SCTR: variants seen among roughly 807,000 people sequenced by gnomAD.
SCTR encodes the protein secretin receptor, also known as pancreatic secretin receptor.
SCTR carries 56 observed loss-of-function variants against 60.8 expected under a neutral mutation model. The observed-to-expected ratio is 0.92, with a 90% confidence interval of 0.74 to 1.15. The LOEUF is 1.15. Ranked by LOEUF, SCTR falls within the 50% of genes most tolerant of loss-of-function variation. The pLI, the probability that SCTR is intolerant of heterozygous loss-of-function variation, is 0.00. For synonymous variants in SCTR, 202 were observed against 217.0 expected (o/e 0.93, Z 0.61); for missense variants, 562 against 550.4 (o/e 1.02, Z -0.21).
chr2:119,465,400 G>A (rs893759740), intron 5 of SCTR, among the ~76,000 whole-genome samples: 2 of 152,182 alleles, frequency 1.3e-5, no homozygotes, highest in African/African-American at 4.8e-5. Flanking sequence ...TACAGCAGAT[G>A]CCCATGAACT....
Position 119,446,818 on chromosome 2 carries a change from A to G in SCTR, c.1081T>C (p.Ser361Pro). Residue 361 changes from serine to proline, a missense_variant, in exon 11 of 13, where the codon TCC becomes CCC. Transcript: ENST00000019103. ...TGGATCTCCATAGCGTCCTCTGGGG[A>G]GAAGGCGAAGACGATGTAGTGGATG... Reference protein sequence around the residue: ...FGIHYIVFAFSPEDAMEIQLF... With the variant: ...FGIHYIVFAFPPEDAMEIQLF... 1 of 1,584,288 alleles carries G rather than the reference A, an allele frequency of 6.3e-7. No individual in the cohort carries two copies. Among genetic ancestry groups the G allele is most frequent in the East Asian group, 2.3e-5 (1 of 42,782 alleles).
chr2:119,461,751 A>C, intron 7 of SCTR, 96 bp downstream of exon 7: 1 of 849,632 alleles, frequency 1.2e-6, no homozygotes. Flanking sequence ...AAGTTAGTTA[A>C]GTGTGGAGCT....
intron 4 of SCTR, among the ~76,000 whole-genome samples, chr2:119,471,449 G>C (rs1429913388): frequency 2.6e-5 from 4 of 152,168 alleles, no homozygotes; most frequent in Non-Finnish European, 5.9e-5. Flanking sequence ...AAGACCTCGT[G>C]TATGTTCCCA....
rs541943867 is a variant in SCTR, at chr2:119,460,072, GAAGCAGGAGGGCTCAGC to G, written c.790+1758_790+1774del. Among the ~76,000 whole-genome samples, 146 of 151,738 alleles carry G rather than the reference GAAGCAGGAGGGCTCAGC, an allele frequency of 9.6e-4. 1 individual carries two copies. In the South Asian group the frequency reaches 0.016, roughly 16 times the overall value. On this transcript the variant is annotated intron_variant, in intron 7 of 12. Transcript: ENST00000019103. ...GTGCTGACTGGGCTGCCAAGGTTCA[GAAGCAGGAGGGCTCAGC>G]AAGCAGGAGGGCTCAGCAAGCAGGA...
intron 1 of SCTR, among the ~76,000 whole-genome samples, chr2:119,509,695 A>G (rs1456134223): frequency 6.6e-6 from 1 of 152,144 alleles, no homozygotes; most frequent in African/African-American, 2.4e-5. Context: ...TAACCATTTA[A>G]TGTGTGCAAT....
chr2:119,496,285 A>G (rs943451450), intron 1 of SCTR, among the ~76,000 whole-genome samples: 1 of 152,252 alleles, frequency 6.6e-6, no homozygotes, highest in Non-Finnish European at 1.5e-5. Context: ...AGGTAGTGAG[A>G]CCAGGTATAA....
At chr2:119,479,578 A>T (rs1398834556) in intron 2 of SCTR, 1 of 152,320 alleles carries the variant, frequency 6.6e-6, no homozygotes, top group Non-Finnish European at 1.5e-5. Flanking sequence ...TTCCCAAGTG[A>T]TGCTGATGCT....
At chr2:119,481,202 C>T (rs367696038) in intron 2 of SCTR, among the ~76,000 whole-genome samples, 3 of 152,222 alleles carry the variant, frequency 2.0e-5, no homozygotes, top group East Asian at 1.9e-4. Flanking sequence ...GCAGACATTG[C>T]GGGAGTACCC....
At chr2:119,524,017 G>A (rs780415684) in intron 1 of SCTR, 138 bp downstream of exon 1, 1 of 672,884 alleles carries the variant, frequency 1.5e-6, no homozygotes, top group Non-Finnish European at 2.6e-6. Flanking sequence ...AATGTTGGGA[G>A]GATTGGGAGG....
chr2:119,512,251 T>C (rs1678972614), intron 1 of SCTR, among the ~76,000 whole-genome samples: 1 of 152,122 alleles, frequency 6.6e-6, no homozygotes, highest in African/African-American at 2.4e-5. Flanking sequence ...CTCCAATCTT[T>C]TCATCTTTCT....
rs139585626 is a variant in SCTR at position 119,499,180 on chromosome 2, A to G, written c.73-4632T>C. Among the ~76,000 whole-genome samples the G allele has an allele frequency of 7.9e-5, 12 of 152,220 alleles. No individual in the cohort carries two copies. The East Asian group carries it at 2.3e-3, about 29-fold the overall frequency. ...GCAAGCTATCAAAAAATACATAGCA[A>G]TGGTAAATGTGTATGCACCAAACAA... On this transcript the variant is annotated intron_variant, in intron 1 of 12. Transcript: ENST00000019103.
At chr2:119,469,773 A>G (rs1205096565) in intron 4 of SCTR, among the ~76,000 whole-genome samples, 1 of 152,032 alleles carries the variant, frequency 6.6e-6, no homozygotes, top group Non-Finnish European at 1.5e-5. Flanking sequence ...GACTACAGGC[A>G]TGAGCCACCA....
At chr2:119,511,425 G>C (rs1238949991) in intron 1 of SCTR, among the ~76,000 whole-genome samples, 1 of 152,058 alleles carries the variant, frequency 6.6e-6, no homozygotes, top group Admixed American at 6.5e-5. Context: ...AGGAAATATT[G>C]TTCGCTGCTG....
At chr2:119,512,292 TTCTTCC>T (rs1678974426) in intron 1 of SCTR, among the ~76,000 whole-genome samples, 6 of 149,672 alleles carry the variant, frequency 4.0e-5, no homozygotes, top group South Asian at 2.1e-4. Flanking sequence ...CTTCGTGATC[TTCTTCC>T]TCTTCCTCTT....
intron 7 of SCTR, among the ~76,000 whole-genome samples, chr2:119,457,039 G>A (rs1336541040): frequency 6.6e-6 from 1 of 152,220 alleles, no homozygotes; most frequent in Non-Finnish European, 1.5e-5. Flanking sequence ...AACTGTGAGA[G>A]AGTAAATTTC....
Position 119,524,182 on chromosome 2 carries a change from C to G in SCTR, c.45G>C (p.Pro15=), listed in dbSNP as rs915941660. 1 of 1,531,322 alleles carries G rather than the reference C, an allele frequency of 6.5e-7. No individual in the cohort carries two copies. 94.9% of individuals were successfully genotyped at this position (1,531,322 alleles called of 1,614,324 possible). Residue 15 remains proline, a synonymous_variant, in exon 1 of 13, where the codon CCG becomes CCC. Transcript: ENST00000019103. Reference sequence around the variant, plus strand: ...AGTGCGCGGCGCAGGCGAGCAGCACCGGCAGTAGTAGCTGCTGCAGCGGCG... The same window carrying G: ...AGTGCGCGGCGCAGGCGAGCAGCACGGGCAGTAGTAGCTGCTGCAGCGGCG... ...LSPPLQQLLL[P]VLLACAAHST... is the part of the protein sequence containing the mutation.
intron 1 of SCTR, among the ~76,000 whole-genome samples, chr2:119,504,397 A>G (rs1249936110): frequency 6.6e-6 from 1 of 152,064 alleles, no homozygotes. Context: ...GTTCGAGATC[A>G]GCCTGACCAA....
intron 2 of SCTR, among the ~76,000 whole-genome samples, chr2:119,488,113 G>A (rs1411883864): frequency 6.6e-6 from 1 of 152,260 alleles, no homozygotes; most frequent in African/African-American, 2.4e-5. Flanking sequence ...CCAGCAGGCA[G>A]AGTCCTTGGG....
In SCTR at chr2:119,473,497, G is replaced by T; in HGVS notation, c.361C>A (p.Leu121Met). ...TCGTTCACATTAACGCCACAGGCCA[G>T]ATTAGGCCTGGGGAAGGTTTCTGAC... ...GWSETFPRPNLACGVNVNDSS... is the reference protein window; with the variant it reads ...GWSETFPRPNMACGVNVNDSS... The change falls in exon 4 of 13, where the codon CTG (leucine) becomes ATG (methionine). Residue 121 changes from leucine to methionine, a missense_variant. Leu to Met is a conservative substitution (Grantham distance 15, BLOSUM62 2). Coordinates refer to ENST00000019103, the MANE Select transcript of SCTR (RefSeq NM_002980.3). The T allele has an allele frequency of 6.2e-7, 1 of 1,613,914 alleles. No individual in the cohort carries two copies. The highest frequency in any genetic ancestry group is 8.5e-7 in the Non-Finnish European group (1 of 1,179,802).
Sources: gnomAD v4.1 joint callset for allele counts (sites outside exome capture counted in the v4.1 genomes callset) on GRCh38, gnomAD v4.1.1 for gene constraint, MANE v1.5 for transcripts, NCBI Gene and HGNC (gene_info 2026-07-23, HGNC 2026-07-21) for gene names.